The following ZSCAN5A variants were observed in gnomAD, a reference collection of about 807,000 sequenced individuals.
ZSCAN5A encodes zinc finger and SCAN domain containing 5A.
ZSCAN5A carries 12 observed loss-of-function variants against 23.7 expected under a neutral mutation model. The observed-to-expected ratio is 0.51, with a 90% CI of 0.32 to 0.82. ZSCAN5A has a LOEUF of 0.82. ZSCAN5A is among the 40% of genes least tolerant of loss of function. The pLI is 0.03. For synonymous variants in ZSCAN5A, 257 were observed against 239.9 expected (o/e 1.07, Z -0.66); for missense variants, 597 against 617.9 (o/e 0.97, Z 0.36).
intron 2 of ZSCAN5A, among the ~76,000 whole-genome samples, chr19:56,239,929 C>T (rs62122524): frequency 0.7 from 106,784 of 151,486 alleles, 38,998 homozygotes; most frequent in Middle Eastern, 0.8. Context: ...TTTGGGAGGC[C>T]GAGGTGGGCA....
chr19:56,345,958 G>T (rs1186854832), intron 2 of ZSCAN5A, among the ~76,000 whole-genome samples: 2 of 152,164 alleles, frequency 1.3e-5, no homozygotes, highest in Non-Finnish European at 2.9e-5. Context: ...CACTCTTGGG[G>T]TTTGATAAGG....
At chr19:56,281,083 A>T (rs10413678) in intron 2 of ZSCAN5A, among the ~76,000 whole-genome samples, 1,730 of 152,338 alleles carry the variant, frequency 0.011, 37 homozygotes, top group African/African-American at 0.039. Flanking sequence ...TATGTTACAT[A>T]TATTACATGC....
intron 2 of ZSCAN5A, among the ~76,000 whole-genome samples, chr19:56,331,906 T>G (rs1329909703): frequency 6.6e-6 from 1 of 152,132 alleles, no homozygotes; most frequent in Admixed American, 6.6e-5. Flanking sequence ...AAGAATTTTT[T>G]TTATTTCTCC....
intron 2 of ZSCAN5A, among the ~76,000 whole-genome samples, chr19:56,346,704 T>G (rs2041635848): frequency 1.3e-5 from 2 of 151,520 alleles, no homozygotes; most frequent in South Asian, 4.1e-4. Context: ...TCTATTACTT[T>G]TTTTTATTTT....
intron 2 of ZSCAN5A, among the ~76,000 whole-genome samples, chr19:56,267,361 T>C (rs1303856069): frequency 6.6e-5 from 10 of 152,120 alleles, no homozygotes. Context: ...GTCAGAACTG[T>C]CATAGCAACC....
At chr19:56,330,227 T>A (rs1356040300) in intron 2 of ZSCAN5A, among the ~76,000 whole-genome samples, 1 of 152,240 alleles carries the variant, frequency 6.6e-6, no homozygotes, top group Non-Finnish European at 1.5e-5. Flanking sequence ...CTTTATCCAA[T>A]CCACTAATAA....
chr19:56,305,910 C>T (rs561580957), intron 2 of ZSCAN5A, among the ~76,000 whole-genome samples: 42 of 149,146 alleles, frequency 2.8e-4, no homozygotes, highest in African/African-American at 1.0e-3. Context: ...CTGGCTTGTA[C>T]GAAGGCCCTG....
At chr19:56,333,856 A>T (rs8107873) in intron 2 of ZSCAN5A, among the ~76,000 whole-genome samples, 28,213 of 150,188 alleles carry the variant, frequency 0.19, 3,342 homozygotes, top group African/African-American at 0.34. Context: ...GAAAAAGAAA[A>T]ATATATATAT....
chr19:56,325,668 A>G (rs1376887908), intron 2 of ZSCAN5A, among the ~76,000 whole-genome samples: 3 of 151,930 alleles, frequency 2.0e-5, no homozygotes, highest in Non-Finnish European at 4.4e-5. Flanking sequence ...AAAAAAAAAT[A>G]GCGTTTGAAG....
chr19:56,333,037 G>T (rs994773745), intron 2 of ZSCAN5A, among the ~76,000 whole-genome samples: 13 of 151,928 alleles, frequency 8.6e-5, no homozygotes, highest in African/African-American at 3.1e-4. Context: ...CTGTTGGTCT[G>T]ATGGAGTTCC....
chr19:56,238,175 C>T (rs530943705), intron 2 of ZSCAN5A, among the ~76,000 whole-genome samples: 8 of 149,136 alleles, frequency 5.4e-5, no homozygotes, highest in South Asian at 4.3e-4. Context: ...CACACACACA[C>T]GTCAAAGAAA....
intron 2 of ZSCAN5A, among the ~76,000 whole-genome samples, chr19:56,239,420 C>T (rs1355773417): frequency 1.3e-5 from 2 of 152,160 alleles, no homozygotes; most frequent in African/African-American, 4.8e-5. Context: ...TAATTCACAC[C>T]TAACATTAAG....
chr19:56,352,783 T>C lies in ZSCAN5A; in HGVS notation c.-358+10452A>G, dbSNP rs1272794796. On this transcript the variant is annotated intron_variant, in intron 2 of 6. Coordinates refer to the ZSCAN5A transcript ENST00000587340. This position sits in a 1 kb window ranked among gnomAD's most constrained non-coding sequence, Gnocchi z 4.2. ...GATGGGGGGATTCTCATTACCCTTG[T>C]TGAAACTGGGTGCAACACAGTTTCA... Among the ~76,000 whole-genome samples the C allele has an allele frequency of 6.6e-6, 1 of 152,156 alleles. No homozygotes were observed. The highest frequency in any genetic ancestry group is 2.4e-5 in the African/African-American group (1 of 41,424).
chr19:56,303,174 C>A (rs1166416522), intron 2 of ZSCAN5A, among the ~76,000 whole-genome samples: 1 of 152,080 alleles, frequency 6.6e-6, no homozygotes, highest in Non-Finnish European at 1.5e-5. Flanking sequence ...GAAAATAAGG[C>A]AGGGTGCAAG....
chr19:56,354,253 C>T (rs1414640786), intron 2 of ZSCAN5A, among the ~76,000 whole-genome samples: 3 of 147,126 alleles, frequency 2.0e-5, no homozygotes, highest in East Asian at 5.2e-4. Flanking sequence ...TTTACTGAAC[C>T]GGACACTTAC....
rs1369854147 is a variant in ZSCAN5A, at chr19:56,352,871, T to C, written c.-358+10364A>G. 6.6e-6 allele frequency among the ~76,000 whole-genome samples: 1 copy of C among 152,220 alleles called. No individual in the cohort carries two copies. The highest frequency in any genetic ancestry group is 1.5e-5 in the Non-Finnish European group (1 of 68,040). ...GACTCAGGGAAGCCCAAGTCAAGTC[T>C]GGTCGAGGAGAAGGTCTTTGCCAGA... On this transcript the variant is annotated intron_variant, in intron 2 of 6. Coordinates refer to the ZSCAN5A transcript ENST00000587340. This position sits in a 1 kb window ranked among gnomAD's most constrained non-coding sequence, Gnocchi z 4.2.
intron 2 of ZSCAN5A, chr19:56,320,417 C>T: frequency 3.0e-6 from 1 of 328,460 alleles, no homozygotes; most frequent in Admixed American, 4.4e-5. Flanking sequence ...ATGGAGAAAC[C>T]TAATCTCTAC....
intron 2 of ZSCAN5A, among the ~76,000 whole-genome samples, chr19:56,242,628 G>A (rs1416910318): frequency 2.6e-5 from 4 of 152,032 alleles, no homozygotes; most frequent in Admixed American, 6.6e-5. Flanking sequence ...AAGACCTTTC[G>A]GTTGCTTCCC....
At chr19:56,226,244 G>A (rs1427998484) in intron 2 of ZSCAN5A, among the ~76,000 whole-genome samples, 4 of 152,152 alleles carry the variant, frequency 2.6e-5, no homozygotes, top group African/African-American at 9.7e-5. Context: ...TTGAGCAAGT[G>A]CAGAACAGAG....
Sources: gnomAD v4.1 joint callset for allele counts (sites outside exome capture counted in the v4.1 genomes callset) on GRCh38, gnomAD v4.1.1 for gene constraint, Gnocchi (gnomAD v3.1) non-coding constraint, MANE v1.5 for transcripts, NCBI Gene and HGNC (gene_info 2026-07-23, HGNC 2026-07-21) for gene names.